Variants in CFAP44 observed in about 807,000 individuals in gnomAD.
CFAP44 encodes the protein cilia and flagella associated protein 44.
Under a neutral mutation model 216.2 loss-of-function variants are expected in CFAP44, and 134 were observed. That is an observed-to-expected ratio of 0.62 (90% CI 0.54 to 0.72). CFAP44 has a LOEUF of 0.72. CFAP44 is among the 30% of genes least tolerant of loss of function. The pLI, the probability that CFAP44 is intolerant of heterozygous loss-of-function variation, is 0.00. For synonymous variants in CFAP44, 700 were observed against 727.6 expected, an observed-to-expected ratio of 0.96 and a Z score of 0.61; for missense variants, 2,035 against 2,182.1, an observed-to-expected ratio of 0.93 and a Z score of 1.34.
rs1318618691 is a variant in CFAP44 at position 113,326,526 on chromosome 3, T to G, written c.4435A>C (p.Asn1479His). 2 of 1,532,488 alleles carry G rather than the reference T, an allele frequency of 1.3e-6. No homozygotes were observed. The highest frequency in any genetic ancestry group is 2.7e-5 in the African/African-American group (2 of 72,834). 94.9% of individuals were successfully genotyped at this position (1,532,488 alleles called of 1,614,324 possible). Residue 1479 changes from asparagine to histidine, a missense_variant, in exon 28 of 35, where the codon AAT becomes CAT. Coordinates refer to ENST00000393845, the MANE Select transcript of CFAP44 (RefSeq NM_001164496.2). ...TTCATGAGGAAGTTTGCAAATTTAT[T>G]GTTTTCTCCAATGGCTGCTTGAAAA... ...AGFQAAIGENNKFANFLMKVL... is the reference protein window; with the variant it reads ...AGFQAAIGENHKFANFLMKVL...
At chr3:113,363,674 C>T in intron 19 of CFAP44, 142 bp from the exon 20 acceptor site, 1 of 727,216 alleles carries the variant, frequency 1.4e-6, no homozygotes. Flanking sequence ...GTCTGAAAAT[C>T]AGTTTCACAA....
At chr3:113,354,166 A>ATTAAGATGGCAGATAGGAGGC (rs1241413774) in intron 22 of CFAP44, among the ~76,000 whole-genome samples, 2 of 152,160 alleles carry the variant, frequency 1.3e-5, no homozygotes, top group African/African-American at 4.8e-5. Flanking sequence ...GTATACAGAG[A>ATTAAGATGGCAGATAGGAGGC]TTAAGATGGC....
intron 8 of CFAP44, among the ~76,000 whole-genome samples, chr3:113,404,615 TGTTAA>T (rs1215975944): frequency 6.6e-6 from 1 of 152,206 alleles, no homozygotes; most frequent in Non-Finnish European, 1.5e-5. Context: ...ACTTTATATA[TGTTAA>T]GTTATTTAAT....
In CFAP44 at chr3:113,403,959, C is replaced by T. The variant is rs376002206; in HGVS notation, c.1063G>A (p.Val355Met). 3.7e-6 allele frequency: 6 copies of T among 1,614,098 alleles called. No homozygotes were observed. The African/African-American group carries it at 6.7e-5, about 18-fold the overall frequency. The change falls in exon 9 of 35, where the codon GTG (valine) becomes ATG (methionine). Residue 355 changes from valine to methionine, a missense_variant. Physicochemically the swap from Val to Met is conservative, Grantham distance 21. Coordinates refer to ENST00000393845, the MANE Select transcript of CFAP44 (RefSeq NM_001164496.2). ...TTGCTTGTCCCTCGACAGAGCTCCA[C>T]TTTGATCAGACCACCTTCCCAAAGC... ...MLLWEGGLIK[V>M]ELCRGTSKSC... is the part of the protein sequence containing the mutation.
chr3:113,385,824 G>T (rs1296586561), intron 15 of CFAP44, among the ~76,000 whole-genome samples: 28 of 117,946 alleles, frequency 2.4e-4, no homozygotes, highest in Non-Finnish European at 2.4e-4. Context: ...TTTTTTTTTT[G>T]GTAGAGACAG....
At chr3:113,347,263 T>G (rs1310308587) in intron 22 of CFAP44, among the ~76,000 whole-genome samples, 1 of 152,198 alleles carries the variant, frequency 6.6e-6, no homozygotes, top group East Asian at 1.9e-4. Context: ...CTTCCGCTTT[T>G]GGGCTGAGCC....
At chr3:113,379,037 T>A (rs752143509) in intron 17 of CFAP44, among the ~76,000 whole-genome samples, 2 of 152,200 alleles carry the variant, frequency 1.3e-5, no homozygotes, top group Non-Finnish European at 2.9e-5. Context: ...GACAAGCAGA[T>A]AATAGATAAT....
At chr3:113,377,973 A>G (rs1022949393) in intron 17 of CFAP44, among the ~76,000 whole-genome samples, 4 of 152,098 alleles carry the variant, frequency 2.6e-5, no homozygotes, top group Non-Finnish European at 5.9e-5. Flanking sequence ...TAGTGTAAGT[A>G]TGTACTATGT....
In CFAP44 at chr3:113,387,681, G is replaced by A. The variant is rs576585483; in HGVS notation, c.1891-6621C>T. On this transcript the variant is annotated intron_variant, in intron 15 of 34. Coordinates refer to ENST00000393845, the MANE Select transcript of CFAP44 (RefSeq NM_001164496.2). ...GAAGTACGGAGAGGGAAGAGTCAAG[G>A]GTATTTTGTCTTGCAGTTTAGGTAC... Among the ~76,000 whole-genome samples the A allele has an allele frequency of 5.9e-5, 9 of 151,994 alleles. No individual in the cohort carries two copies. The South Asian group carries it at 1.9e-3, about 32-fold the overall frequency.
chr3:113,341,954 G>T, intron 23 of CFAP44, 36 bp from the exon 24 acceptor site: 1 of 1,481,310 alleles, frequency 6.8e-7, no homozygotes, highest in Non-Finnish European at 8.8e-7. Flanking sequence ...GCCTTTTTGA[G>T]ACATAAAAAC....
rs757663679 is a variant in CFAP44, at chr3:113,416,576, C to A, written c.622G>T (p.Asp208Tyr). 17 of 1,612,682 alleles carry A rather than the reference C, an allele frequency of 1.1e-5. No individual in the cohort carries two copies. Among genetic ancestry groups the A allele is most frequent in the Non-Finnish European group, 1.4e-5 (16 of 1,179,164 alleles). ...FTVAEKGSFP[D>Y]IIIYEYPSLR... ...GAAGGATATTCATAGATGATAATAT[C>A]TGGAAAACTCCCTTTTTCAGCTACT... Residue 208 changes from aspartate (D) to tyrosine (Y), a missense_variant, in exon 6 of 35, where the codon GAT (aspartate) becomes TAT (tyrosine). Physicochemically the swap from Asp to Tyr is radical, Grantham distance 160. Around this residue, in one of 3 missense-constraint regions of CFAP44, gnomAD observed 1,883 missense variants for 2,023.7 expected, o/e 0.93. Transcript: ENST00000393845.
intron 4 of CFAP44, among the ~76,000 whole-genome samples, chr3:113,421,655 C>T (rs114265530): frequency 0.029 from 4,380 of 152,190 alleles, 111 homozygotes; most frequent in East Asian, 0.1. Context: ...ACTATACAGC[C>T]GTGAAAAGAA....
chr3:113,419,412 T>C (rs2107391486), intron 5 of CFAP44, among the ~76,000 whole-genome samples: 1 of 152,348 alleles, frequency 6.6e-6, no homozygotes, highest in South Asian at 2.1e-4. Flanking sequence ...CTGTGTAGTG[T>C]TGGATGCACA....
At position 113,304,098 on chromosome 3, in the gene CFAP44, C is replaced by G; in HGVS notation, c.4895G>C (p.Gly1632Ala). The G allele has an allele frequency of 6.5e-7, 1 of 1,537,132 alleles. No individual in the cohort carries two copies. The highest frequency in any genetic ancestry group is 1.4e-5 in the African/African-American group (1 of 73,152). ...KLHQIEYVVF[G>A]EIPSDLSGTL... ...ACCAGAAAGATCGCTAGGTATTTCT[C>G]CAAATACCACATACTCTATCTACAA... The change falls in exon 32 of 35, where the codon GGA (glycine) becomes GCA (alanine). Residue 1632 changes from glycine to alanine, a missense_variant. Gly to Ala is a moderately conservative substitution (Grantham distance 60). Coordinates refer to ENST00000393845, the MANE Select transcript of CFAP44 (RefSeq NM_001164496.2).
In CFAP44 at chr3:113,426,211, T is replaced by C. The variant is rs748996514; in HGVS notation, c.320A>G (p.Glu107Gly). The C allele has an allele frequency of 1.2e-6, 2 of 1,614,022 alleles. No individual in the cohort carries two copies. The highest frequency in any genetic ancestry group is 4.5e-5 in the East Asian group (2 of 44,896). ...AEEEVKKKIS[E>G]SFFYDYMELA... is the part of the protein sequence containing the mutation. ...CTCCATATAATCATAGAAGAAGCTC[T>C]CTGATATTTTCTTCTTAACTTCCTC... The change falls in exon 4 of 35, where the codon GAG (glutamate) becomes GGG (glycine). Residue 107 changes from glutamate to glycine, a missense_variant. Coordinates refer to ENST00000393845, the MANE Select transcript of CFAP44 (RefSeq NM_001164496.2).
At chr3:113,420,361 G>C (rs1329749055) in intron 4 of CFAP44, among the ~76,000 whole-genome samples, 182 bp from the exon 5 acceptor site, 1 of 151,922 alleles carries the variant, frequency 6.6e-6, no homozygotes, top group African/African-American at 2.4e-5. Context: ...TTTAAATTAG[G>C]TGAGAAAAAA....
chr3:113,322,214 T>C (rs1267817365), intron 28 of CFAP44, among the ~76,000 whole-genome samples: 2 of 151,944 alleles, frequency 1.3e-5, no homozygotes, highest in African/African-American at 4.8e-5. Flanking sequence ...AGAAATAAGG[T>C]TGTGCACCTA....
At chr3:113,341,980 T>C (rs998252577) in intron 23 of CFAP44, 62 bp from the exon 24 acceptor site, 3 of 1,459,568 alleles carry the variant, frequency 2.1e-6, no homozygotes, top group Non-Finnish European at 1.8e-6. Context: ...TCTCAGATAT[T>C]GTTTTTAACC....
At chr3:113,340,557 G>C (rs1950322628) in intron 24 of CFAP44, among the ~76,000 whole-genome samples, 1 of 152,268 alleles carries the variant, frequency 6.6e-6, no homozygotes, top group East Asian at 1.9e-4. Context: ...CCCCTCGCAG[G>C]GTGTGCGATG....
Sources: gnomAD v4.1 joint callset for allele counts (sites outside exome capture counted in the v4.1 genomes callset) on GRCh38, gnomAD v4.1.1 for gene constraint, gnomAD v4.1.1 regional missense constraint, MANE v1.5 for transcripts, NCBI Gene and HGNC (gene_info 2026-07-23, HGNC 2026-07-21) for gene names.